Variants in DGKB observed in about 807,000 individuals in gnomAD.
DGKB encodes the protein diacylglycerol kinase beta.
In DGKB, 67 loss-of-function variants were observed where a neutral mutation model predicts 114.3. That is an observed-to-expected ratio of 0.59 (90% CI 0.48 to 0.72). The LOEUF is 0.72. DGKB is among the 30% of genes least tolerant of loss of function. The pLI, the probability that DGKB is intolerant of heterozygous loss-of-function variation, is 0.00. For missense variants in DGKB, 907 were observed against 975.2 expected, an observed-to-expected ratio of 0.93 and a Z score of 0.93; for synonymous variants, 398 against 323.1, an observed-to-expected ratio of 1.23 and a Z score of -2.49.
At chr7:14,918,693 C>A (rs147109399) in intron 1 of DGKB, among the ~76,000 whole-genome samples, 27 of 152,166 alleles carry the variant, frequency 1.8e-4, no homozygotes, top group African/African-American at 6.5e-4. Flanking sequence ...ATCTATATGT[C>A]AACTTGATCT....
At chr7:14,260,116 A>ATG (rs1298699971) in intron 23 of DGKB, among the ~76,000 whole-genome samples, 22 of 6,548 alleles carry the variant, frequency 3.4e-3, no homozygotes, top group African/African-American at 7.0e-3. Flanking sequence ...ATGAACACAC[A>ATG]CACACACACA....
intron 1 of DGKB, among the ~76,000 whole-genome samples, chr7:14,921,965 AT>A (rs1343628125): frequency 6.6e-6 from 1 of 152,136 alleles, no homozygotes; most frequent in Non-Finnish European, 1.5e-5. Context: ...GTTGCAAACT[AT>A]TTGTTACTTA....
chr7:14,358,961 T>C (rs1167837707), intron 21 of DGKB, among the ~76,000 whole-genome samples: 1 of 152,112 alleles, frequency 6.6e-6, no homozygotes, highest in Non-Finnish European at 1.5e-5. Flanking sequence ...AAAGTTCATA[T>C]GGGACCAAAA....
chr7:14,151,556 T>C (rs1372592609), intron 25 of DGKB, among the ~76,000 whole-genome samples: 1 of 152,202 alleles, frequency 6.6e-6, no homozygotes, highest in African/African-American at 2.4e-5. Flanking sequence ...CTTTAATCTA[T>C]GTGACTAAGT....
chr7:14,600,483 A>T (rs545979109), intron 17 of DGKB, among the ~76,000 whole-genome samples: 1 of 152,192 alleles, frequency 6.6e-6, no homozygotes. Flanking sequence ...AAAAGTCTAA[A>T]GTCCAGAGTC....
chr7:14,613,633 T>C (rs1469272689), intron 15 of DGKB, among the ~76,000 whole-genome samples: 1 of 151,628 alleles, frequency 6.6e-6, no homozygotes, highest in Non-Finnish European at 1.5e-5. Flanking sequence ...AAGAAAGGCA[T>C]GCCTATCTAG....
intron 20 of DGKB, among the ~76,000 whole-genome samples, chr7:14,552,324 A>G (rs942018058): frequency 6.6e-6 from 1 of 152,234 alleles, no homozygotes; most frequent in African/African-American, 2.4e-5. Flanking sequence ...TGTGATTAAA[A>G]TATCAAGGAG....
chr7:14,400,963 A>G (rs761892629), intron 21 of DGKB, among the ~76,000 whole-genome samples: 1 of 151,634 alleles, frequency 6.6e-6, no homozygotes, highest in Non-Finnish European at 1.5e-5. Context: ...TCCCCACTCA[A>G]TTTGCTGTCC....
chr7:14,704,573 CT>C (rs1459223635), intron 6 of DGKB, among the ~76,000 whole-genome samples: 4 of 151,886 alleles, frequency 2.6e-5, no homozygotes, highest in Non-Finnish European at 5.9e-5. Context: ...GCATTTCCAT[CT>C]GAGCTTTGAA....
intron 4 of DGKB, among the ~76,000 whole-genome samples, chr7:14,737,009 T>C (rs1247911977): frequency 2.6e-5 from 4 of 152,166 alleles, no homozygotes; most frequent in African/African-American, 9.7e-5. Context: ...GACAAGCACA[T>C]GGGTGCTTTG....
At chr7:14,813,550 G>A (rs1013514555) in intron 2 of DGKB, among the ~76,000 whole-genome samples, 1 of 151,958 alleles carries the variant, frequency 6.6e-6, no homozygotes, top group African/African-American at 2.4e-5. Flanking sequence ...TAACCTTTTT[G>A]CTTCACCTTG....
intron 1 of DGKB, among the ~76,000 whole-genome samples, chr7:14,861,384 C>CA (rs1850953625): frequency 6.6e-6 from 1 of 151,376 alleles, no homozygotes; most frequent in African/African-American, 2.4e-5. Flanking sequence ...AAATAAAAAC[C>CA]AAAAAAATTG....
At chr7:14,839,625 C>G (rs990767420) in intron 2 of DGKB, among the ~76,000 whole-genome samples, 1 of 151,850 alleles carries the variant, frequency 6.6e-6, no homozygotes, top group African/African-American at 2.4e-5. Flanking sequence ...TAGTCATGAA[C>G]TGCTGGGCTC....
intron 15 of DGKB, among the ~76,000 whole-genome samples, chr7:14,614,161 G>A (rs1042075759): frequency 6.6e-6 from 1 of 152,082 alleles, no homozygotes; most frequent in East Asian, 1.9e-4. Context: ...TATTATAGTG[G>A]AGAAATATAC....
intron 20 of DGKB, among the ~76,000 whole-genome samples, chr7:14,488,648 T>TA (rs10583401): frequency 0.028 from 3,390 of 121,240 alleles, 125 homozygotes; most frequent in African/African-American, 0.089. Context: ...CCATTTCCAC[T>TA]AAAAAAAAAA....
At chr7:14,227,833 T>G (rs1791064005) in intron 23 of DGKB, among the ~76,000 whole-genome samples, 1 of 152,094 alleles carries the variant, frequency 6.6e-6, no homozygotes, top group African/African-American at 2.4e-5. Context: ...AAATTTTATC[T>G]ATTCTCTTTT....
chr7:14,286,292 C>G (rs1172731355), intron 23 of DGKB, among the ~76,000 whole-genome samples: 1 of 152,076 alleles, frequency 6.6e-6, no homozygotes, highest in Non-Finnish European at 1.5e-5. Context: ...GGGCATAATA[C>G]TTTGGAAGGG....
At chr7:14,512,745 T>C (rs1788173575) in intron 20 of DGKB, among the ~76,000 whole-genome samples, 1 of 152,094 alleles carries the variant, frequency 6.6e-6, no homozygotes, top group African/African-American at 2.4e-5. Context: ...CTGTCCCTTA[T>C]ATATTATAGA....
chr7:14,150,117 T>C (rs985309297), intron 25 of DGKB, among the ~76,000 whole-genome samples: 2 of 152,150 alleles, frequency 1.3e-5, no homozygotes, highest in Non-Finnish European at 2.9e-5. Context: ...CATTATGTAA[T>C]AAAAAGGTCA....
Sources: allele counts gnomAD v4.1 joint callset (sites outside exome capture counted in the v4.1 genomes callset), GRCh38; gene constraint gnomAD v4.1.1; transcripts MANE v1.5; gene names NCBI Gene and HGNC (gene_info 2026-07-23, HGNC 2026-07-21).